The following PTPRO variants were observed in gnomAD, a reference collection of about 807,000 sequenced individuals.
The protein encoded by PTPRO is protein tyrosine phosphatase receptor type O.
A neutral mutation model predicts 145.2 loss-of-function variants in PTPRO; 62 were observed. The observed-to-expected ratio is 0.43, with a 90% confidence interval of 0.35 to 0.53. PTPRO has a LOEUF of 0.53. Ranked by LOEUF, PTPRO falls within the 20% of genes least tolerant of loss-of-function variation. PTPRO has a pLI of 0.01. For missense variants in PTPRO, 1,345 were observed against 1,482.7 expected (o/e 0.91, Z 1.53); for synonymous variants, 565 against 514.7 (o/e 1.10, Z -1.32).
At chr12:15,337,525 C>G (rs924369476) in intron 1 of PTPRO, 1 of 152,146 alleles carries the variant, frequency 6.6e-6, no homozygotes, top group African/African-American at 2.4e-5. Context: ...GTTCCTCGCC[C>G]ATCTCACTCA....
chr12:15,413,178 C>T (rs1939849744), intron 1 of PTPRO, among the ~76,000 whole-genome samples: 3 of 152,114 alleles, frequency 2.0e-5, no homozygotes. Flanking sequence ...GCAACCTCTG[C>T]CCCCCAGGTT....
At position 15,486,742 on chromosome 12, in the gene PTPRO, C is replaced by A. The variant is rs77072276; in HGVS notation, c.349+2495C>A. 5.9e-5 allele frequency among the ~76,000 whole-genome samples: 9 copies of A among 151,838 alleles called. No individual in the cohort carries two copies. In the East Asian group the frequency reaches 1.7e-3, roughly 29 times the overall value. ...TTAAATAGAAATAAAGTTGCACTAG[C>A]CTAATTTTAATCGCTCAATAGCCAT... On this transcript the variant is annotated intron_variant, in intron 2 of 26. Coordinates refer to ENST00000281171, the MANE Select transcript of PTPRO (RefSeq NM_030667.3).
chr12:15,393,893 A>T (rs61307591), intron 1 of PTPRO, among the ~76,000 whole-genome samples: 28,255 of 152,132 alleles, frequency 0.19, 2,721 homozygotes, highest in South Asian at 0.22. Flanking sequence ...GCCTTCTTGC[A>T]GGTGAAGGGG....
chr12:15,589,790 T>A (rs376253650), intron 25 of PTPRO, among the ~76,000 whole-genome samples, 200 bp downstream of exon 25: 81 of 152,314 alleles, frequency 5.3e-4, no homozygotes, highest in African/African-American at 1.8e-3. Flanking sequence ...CATATAGTGA[T>A]TATACTTTTA....
intron 1 of PTPRO, among the ~76,000 whole-genome samples, chr12:15,355,097 G>T (rs12814009): frequency 6.6e-6 from 1 of 152,072 alleles, no homozygotes; most frequent in Admixed American, 6.6e-5. Flanking sequence ...GAATCACACC[G>T]ATTAAGATGA....
chr12:15,489,780 G>A (rs1392203978), intron 2 of PTPRO, among the ~76,000 whole-genome samples: 1 of 152,168 alleles, frequency 6.6e-6, no homozygotes. Flanking sequence ...CTGACACTGT[G>A]AAAGAATTAT....
chr12:15,452,914 A>G (rs1464356066), intron 1 of PTPRO, among the ~76,000 whole-genome samples: 1 of 152,134 alleles, frequency 6.6e-6, no homozygotes, highest in Non-Finnish European at 1.5e-5. Context: ...TTGGAAAAAA[A>G]TCTCATTTAT....
intron 2 of PTPRO, among the ~76,000 whole-genome samples, chr12:15,492,642 T>G (rs945467272): frequency 2.0e-5 from 3 of 152,120 alleles, no homozygotes; most frequent in Non-Finnish European, 4.4e-5. Flanking sequence ...AATTTAAAAT[T>G]TAATGCATCA....
rs934390818 is a variant in PTPRO, at chr12:15,362,589, CTTA to C, written c.75+39796_75+39798del. ...AGAAAATATTCTCCAGTTAATGTAT[CTTA>C]TTATTATATGCTCTTCCTTATATGG... On this transcript the variant is annotated intron_variant, in intron 1 of 26. Coordinates refer to ENST00000281171, the MANE Select transcript of PTPRO (RefSeq NM_030667.3). Among the ~76,000 whole-genome samples the C allele has an allele frequency of 6.6e-5, 10 of 151,890 alleles. No homozygotes were observed. In the East Asian group the frequency reaches 9.7e-4, roughly 15 times the overall value.
intron 12 of PTPRO, among the ~76,000 whole-genome samples, chr12:15,531,894 C>T (rs1403529201): frequency 2.0e-5 from 3 of 152,104 alleles, no homozygotes; most frequent in Non-Finnish European, 4.4e-5. Context: ...TCATAACAGT[C>T]TCAAGCCATC....
chr12:15,480,313 A>C (rs1453375246), intron 1 of PTPRO, among the ~76,000 whole-genome samples: 1 of 152,176 alleles, frequency 6.6e-6, no homozygotes, highest in Non-Finnish European at 1.5e-5. Flanking sequence ...TATATTGACT[A>C]ATTTTGGACT....
At chr12:15,476,652 C>T in intron 1 of PTPRO, among the ~76,000 whole-genome samples, 1 of 151,858 alleles carries the variant, frequency 6.6e-6, no homozygotes, top group Non-Finnish European at 1.5e-5. Context: ...CGCCTATGTC[C>T]TGAATGGTAA....
intron 1 of PTPRO, among the ~76,000 whole-genome samples, chr12:15,350,866 G>T (rs1937779144): frequency 6.6e-6 from 1 of 152,184 alleles, no homozygotes; most frequent in African/African-American, 2.4e-5. Flanking sequence ...ACAGAATTTG[G>T]CCCACTGAGC....
intron 1 of PTPRO, among the ~76,000 whole-genome samples, chr12:15,466,045 A>G (rs975799342): frequency 6.6e-6 from 1 of 152,210 alleles, no homozygotes; most frequent in African/African-American, 2.4e-5. Flanking sequence ...TATGGTTGAA[A>G]GAAGTATTAA....
In PTPRO at chr12:15,551,442, G is replaced by A. The variant is rs549991827; in HGVS notation, c.2438-109G>A. 27 of 1,336,764 alleles carry A rather than the reference G, an allele frequency of 2.0e-5. No individual in the cohort carries two copies. The South Asian group carries it at 2.9e-4, about 15-fold the overall frequency. 82.8% of individuals were successfully genotyped at this position (1,336,764 alleles called of 1,614,324 possible). Reference sequence around the variant, plus strand: ...GGGAACATGATTGTTACTATTATTGGTATCATCGTAAGCTCACTGCCCTTA... The same window carrying A: ...GGGAACATGATTGTTACTATTATTGATATCATCGTAAGCTCACTGCCCTTA... On this transcript the variant is annotated intron_variant, in intron 14 of 26. Transcript: ENST00000281171.
chr12:15,406,786 A>G (rs1591783512), intron 1 of PTPRO, among the ~76,000 whole-genome samples: 1 of 152,352 alleles, frequency 6.6e-6, no homozygotes, highest in South Asian at 2.1e-4. Context: ...GGATCCTTAT[A>G]ACATTTTGTT....
intron 1 of PTPRO, chr12:15,439,580 G>A: frequency 3.6e-6 from 1 of 277,824 alleles, no homozygotes; most frequent in Non-Finnish European, 7.1e-6. Flanking sequence ...GGGGCCCTGG[G>A]ATGGGGAACC....
chr12:15,513,688 A>G (rs1420359825), intron 7 of PTPRO, among the ~76,000 whole-genome samples: 1 of 152,160 alleles, frequency 6.6e-6, no homozygotes, highest in Non-Finnish European at 1.5e-5. Context: ...TGTAAACAAC[A>G]TTGTTCTCCA....
chr12:15,403,539 C>T (rs1023489973), intron 1 of PTPRO, among the ~76,000 whole-genome samples: 7 of 152,096 alleles, frequency 4.6e-5, no homozygotes, highest in East Asian at 1.9e-4. Context: ...GCCAAGATGG[C>T]GCCACTGCAC....
Sources: allele counts gnomAD v4.1 joint callset (sites outside exome capture counted in the v4.1 genomes callset), GRCh38; gene constraint gnomAD v4.1.1; transcripts MANE v1.5; gene names NCBI Gene and HGNC (gene_info 2026-07-23, HGNC 2026-07-21).